Variants in FAM110B observed in about 807,000 individuals in gnomAD.
The protein encoded by FAM110B is protein FAM110B.
In FAM110B, 6 loss-of-function variants were observed where a neutral mutation model predicts 20.4. That is an observed-to-expected ratio of 0.29 (90% confidence interval 0.16 to 0.58). The LOEUF (loss-of-function observed/expected upper bound fraction) is 0.58, where lower values mean the gene tolerates loss of function less well. Ranked by LOEUF, FAM110B falls within the 20% of genes least tolerant of loss-of-function variation. The pLI, the probability that FAM110B is intolerant of heterozygous loss-of-function variation, is 0.90. For synonymous variants in FAM110B, 226 were observed against 214.1 expected, an observed-to-expected ratio of 1.06 and a Z score of -0.49; for missense variants, 434 against 498.2, an observed-to-expected ratio of 0.87 and a Z score of 1.23.
intron 1 of FAM110B, among the ~76,000 whole-genome samples, chr8:58,017,460 A>G (rs776471789): frequency 1.3e-5 from 2 of 152,188 alleles, no homozygotes; most frequent in Admixed American, 6.5e-5. Flanking sequence ...ACTGATGTCT[A>G]GGGGAAGGGC....
intron 3 of FAM110B, among the ~76,000 whole-genome samples, chr8:58,108,890 T>A (rs75743764): frequency 1.7e-3 from 253 of 152,296 alleles, no homozygotes; most frequent in African/African-American, 5.8e-3. Flanking sequence ...TCAACCATGG[T>A]TCCTCCTGTT....
At chr8:58,015,709 G>A (rs545360644) in intron 1 of FAM110B, among the ~76,000 whole-genome samples, 1 of 151,984 alleles carries the variant, frequency 6.6e-6, no homozygotes, top group South Asian at 2.1e-4. Context: ...GCCAGGTGTG[G>A]TGGTGTGTGC....
chr8:58,033,643 C>A (rs556059766), intron 2 of FAM110B, among the ~76,000 whole-genome samples: 2 of 152,164 alleles, frequency 1.3e-5, no homozygotes, highest in East Asian at 3.9e-4. Flanking sequence ...ACATAACAAG[C>A]AGCCAACAAA....
chr8:58,075,861 ATACACCTTC>A (rs1806025794), intron 3 of FAM110B, among the ~76,000 whole-genome samples: 1 of 152,262 alleles, frequency 6.6e-6, no homozygotes, highest in African/African-American at 2.4e-5. Flanking sequence ...GGGTTTCATG[ATACACCTTC>A]TACATATCAG....
chr8:58,093,498 A>G (rs1402896245), intron 3 of FAM110B, among the ~76,000 whole-genome samples: 1 of 152,162 alleles, frequency 6.6e-6, no homozygotes, highest in African/African-American at 2.4e-5. Context: ...CCATTTATTA[A>G]ATGGGGAATA....
chr8:58,039,485 A>T (rs1009672061), intron 2 of FAM110B, among the ~76,000 whole-genome samples: 1 of 152,196 alleles, frequency 6.6e-6, no homozygotes, highest in Non-Finnish European at 1.5e-5. Flanking sequence ...AAAAAGTCTT[A>T]TACATGTGAG....
chr8:58,139,693 C>T (rs886745525), intron 3 of FAM110B, among the ~76,000 whole-genome samples: 6 of 151,956 alleles, frequency 3.9e-5, no homozygotes, highest in African/African-American at 1.2e-4. Flanking sequence ...TTGGGGAGGC[C>T]GAGGTGGGTG....
At chr8:58,098,719 G>A (rs988355428) in intron 3 of FAM110B, among the ~76,000 whole-genome samples, 2 of 152,156 alleles carry the variant, frequency 1.3e-5, no homozygotes, top group African/African-American at 4.8e-5. Flanking sequence ...GAAGACTGTG[G>A]GAAAAGTGTA....
intron 3 of FAM110B, among the ~76,000 whole-genome samples, chr8:58,089,169 T>A (rs1446153918): frequency 2.0e-5 from 3 of 152,202 alleles, no homozygotes; most frequent in Admixed American, 6.5e-5. Flanking sequence ...TGAACTTTAG[T>A]GTATATGGAT....
At chr8:58,008,020 T>G (rs1414446506) in intron 1 of FAM110B, among the ~76,000 whole-genome samples, 1 of 152,042 alleles carries the variant, frequency 6.6e-6, no homozygotes, top group Non-Finnish European at 1.5e-5. Context: ...ATAGCAAATA[T>G]AGCTACAAGC....
In FAM110B at chr8:58,068,695, A is replaced by G. The variant is rs530129385; in HGVS notation, c.-413-6840A>G. Among the ~76,000 whole-genome samples, 3 of 152,272 alleles carry G rather than the reference A, an allele frequency of 2.0e-5. No homozygotes were observed. In the East Asian group the frequency reaches 5.8e-4, roughly 29 times the overall value. On this transcript the variant is annotated intron_variant, in intron 2 of 3. Coordinates refer to ENST00000519262, the MANE Select transcript of FAM110B (RefSeq NM_001377989.1). The stretch of plus-strand genomic sequence containing the variant: ...TAGAACATACCCACTTGTAGGAAAT[A>G]TGAAAAAAACCATTTAACATTTACA...
intron 3 of FAM110B, among the ~76,000 whole-genome samples, chr8:58,084,695 C>T (rs969877698): frequency 6.6e-6 from 1 of 152,088 alleles, no homozygotes; most frequent in Non-Finnish European, 1.5e-5. Flanking sequence ...GTGAAATCTC[C>T]GTTTTTTAAA....
At chr8:58,048,415 C>T (rs192457919) in intron 2 of FAM110B, among the ~76,000 whole-genome samples, 1 of 152,040 alleles carries the variant, frequency 6.6e-6, no homozygotes, top group African/African-American at 2.4e-5. Flanking sequence ...TTGGGGTTTC[C>T]TCAGGCCCCA....
At chr8:58,032,240 A>G (rs1319489333) in intron 2 of FAM110B, 1 of 152,264 alleles carries the variant, frequency 6.6e-6, no homozygotes, top group Non-Finnish European at 1.5e-5. Context: ...TGGGACTGTT[A>G]GAATTATAAT....
intron 3 of FAM110B, among the ~76,000 whole-genome samples, chr8:58,142,993 G>T (rs1803775248): frequency 6.6e-6 from 1 of 152,148 alleles, no homozygotes; most frequent in Non-Finnish European, 1.5e-5. Flanking sequence ...AGAGTATCAT[G>T]TGCCACAGTG....
At chr8:58,002,157 T>C (rs1163841662) in intron 1 of FAM110B, among the ~76,000 whole-genome samples, 1 of 152,122 alleles carries the variant, frequency 6.6e-6, no homozygotes, top group East Asian at 1.9e-4. Context: ...CTTTACTCAG[T>C]CCATCAATTC....
At chr8:58,046,491 T>C (rs2150578771) in intron 2 of FAM110B, among the ~76,000 whole-genome samples, 1 of 152,314 alleles carries the variant, frequency 6.6e-6, no homozygotes, top group South Asian at 2.1e-4. Context: ...TATTGTGTTC[T>C]TTCTAGTCTA....
chr8:58,117,181 T>G (rs925932952), intron 3 of FAM110B, among the ~76,000 whole-genome samples: 1 of 152,180 alleles, frequency 6.6e-6, no homozygotes, highest in Non-Finnish European at 1.5e-5. Context: ...AGTGAGGTAT[T>G]TTTCTCTGAA....
intron 1 of FAM110B, among the ~76,000 whole-genome samples, chr8:58,019,160 C>CCTCATCTA (rs1554569914): frequency 4.6e-5 from 7 of 151,430 alleles, no homozygotes; most frequent in Non-Finnish European, 7.4e-5. Flanking sequence ...CGTGGTGAAA[C>CCTCATCTA]CCCATCTACA....
Sources: allele counts gnomAD v4.1 joint callset (sites outside exome capture counted in the v4.1 genomes callset), GRCh38; gene constraint gnomAD v4.1.1; transcripts MANE v1.5; gene names NCBI Gene and HGNC (gene_info 2026-07-23, HGNC 2026-07-21).